Variants in PHF20L1 observed in about 807,000 individuals in gnomAD.
PHF20L1 encodes the protein PHD finger protein 20 like 1.
PHF20L1 carries 44 observed loss-of-function variants against 125.5 expected under a neutral mutation model. The observed-to-expected ratio is 0.35, with a 90% CI of 0.28 to 0.45. The LOEUF is 0.45. Ranked by LOEUF, PHF20L1 falls within the 20% of genes least tolerant of loss-of-function variation. The pLI is 1.00. For synonymous variants in PHF20L1, 380 were observed against 403.1 expected (o/e 0.94, Z 0.69); for missense variants, 1,012 against 1,217.2 (o/e 0.83, Z 2.51).
intron 14 of PHF20L1, 40 bp downstream of exon 14, chr8:132,825,411 T>C (rs1245266042): frequency 7.0e-7 from 1 of 1,430,874 alleles, no homozygotes; most frequent in Non-Finnish European, 9.3e-7. Context: ...TTTTTTAAAA[T>C]TTGAAGTTTC....
In PHF20L1 at chr8:132,848,592, C is replaced by T. The variant is rs1207384994; in HGVS notation, c.*2669C>T. 6.6e-6 allele frequency: 1 copy of T among 152,550 alleles called. No individual in the cohort carries two copies. Among genetic ancestry groups the T allele is most frequent in the Non-Finnish European group, 1.5e-5 (1 of 67,968 alleles). The allele number at this position is 152,550 out of a possible 1,614,324, so 9.4% of individuals were successfully genotyped here. Reference sequence around the variant, plus strand: ...TTGGTATGTTACTGATAAACTTGTACTTCCTCATACTTGTTTGTGGTTCTA... The same window carrying T: ...TTGGTATGTTACTGATAAACTTGTATTTCCTCATACTTGTTTGTGGTTCTA... On this transcript the variant is annotated 3_prime_UTR_variant, in exon 21 of 21. Transcript: ENST00000395386.
chr8:132,823,855 T>A, intron 12 of PHF20L1, 149 bp from the exon 13 acceptor site: 1 of 520,392 alleles, frequency 1.9e-6, no homozygotes, highest in Non-Finnish European at 3.5e-6. Flanking sequence ...ATCTCACCGC[T>A]TTGTTACCAG....
intron 14 of PHF20L1, among the ~76,000 whole-genome samples, chr8:132,829,082 A>G (rs533146330): frequency 1.3e-5 from 2 of 152,208 alleles, no homozygotes; most frequent in South Asian, 2.1e-4. Context: ...TTTATTCATA[A>G]TAGCCAGAGG....
intron 20 of PHF20L1, among the ~76,000 whole-genome samples, chr8:132,845,324 TAAG>T (rs1480236247): frequency 1.1e-4 from 17 of 152,162 alleles, no homozygotes; most frequent in South Asian, 4.1e-4. Flanking sequence ...TTTTCTTTGT[TAAG>T]AAGAGCTTCT....
intron 5 of PHF20L1, 38 bp from the exon 6 acceptor site, chr8:132,799,057 G>T (rs1832735718): frequency 6.4e-7 from 1 of 1,552,174 alleles, no homozygotes; most frequent in African/African-American, 1.4e-5. Context: ...CTTTGGTTTA[G>T]ACCTGCTAAA....
intron 18 of PHF20L1, 148 bp downstream of exon 18, chr8:132,839,730 A>G (rs1837733020): frequency 1.6e-6 from 1 of 612,842 alleles, no homozygotes; most frequent in Non-Finnish European, 2.9e-6. Context: ...ATAAGGAAAG[A>G]TTAACAACCT....
At chr8:132,821,611 G>A (rs1045184713) in intron 12 of PHF20L1, among the ~76,000 whole-genome samples, 2 of 151,946 alleles carry the variant, frequency 1.3e-5, no homozygotes, top group African/African-American at 4.8e-5. Flanking sequence ...CTTCTACAGA[G>A]CCTGGGGTTT....
At chr8:132,805,782 T>G (rs1008337250) in intron 8 of PHF20L1, among the ~76,000 whole-genome samples, 7 of 151,962 alleles carry the variant, frequency 4.6e-5, no homozygotes, top group African/African-American at 1.7e-4. Flanking sequence ...ATCTAAGTGA[T>G]TATAATTGGT....
At position 132,777,791 on chromosome 8, in the gene PHF20L1, G is replaced by A. The variant is rs1196727689; in HGVS notation, c.-37-1G>A. 3.0e-6 allele frequency: 4 copies of A among 1,312,490 alleles called. No individual in the cohort carries two copies. The highest frequency in any genetic ancestry group is 4.4e-6 in the Non-Finnish European group (4 of 907,552). 81.3% of individuals were successfully genotyped at this position (1,312,490 alleles called of 1,614,324 possible). ...AATCTAACTTTTTTCTTTCTCTTGA[G>A]GTAGTGAAAAGAGAATACTGAAGAA... On this transcript the variant is annotated splice_acceptor_variant, in intron 1 of 20. Transcript: ENST00000395386. LOFTEE classifies it low-confidence loss of function (5UTR_SPLICE).
At chr8:132,802,318 GCTTGGAGT>G (rs1833165395) in intron 6 of PHF20L1, among the ~76,000 whole-genome samples, 1 of 151,190 alleles carries the variant, frequency 6.6e-6, no homozygotes, top group Non-Finnish European at 1.5e-5. Flanking sequence ...TTTTCCTTTT[GCTTGGAGT>G]AGCCTTTTCT....
chr8:132,815,119 C>T (rs1834808281), intron 10 of PHF20L1: 1 of 356,892 alleles, frequency 2.8e-6, no homozygotes, highest in Admixed American at 4.4e-5. Flanking sequence ...ACACAGATTC[C>T]ACTGTAGTTT....
rs759488784 is a variant in PHF20L1 at position 132,845,829 on chromosome 8, C to G, written c.2960C>G (p.Pro987Arg). ...ACAGGGGAGTTGGAGCCACCAGATC[C>G]TCTTGCAAGATTGCCCCAACTTAAA... The part of the protein sequence containing the change: ...DFTGELEPPD[P>R]LARLPQLKRH... The change falls in exon 21 of 21, where the codon CCT becomes CGT. Residue 987 changes from proline (P) to arginine (R), a missense_variant. By Grantham distance (103) the Pro-to-Arg change is moderately radical. Around this residue, in one of 7 missense-constraint regions of PHF20L1, gnomAD observed 277 missense variants for 283.6 expected, o/e 0.98. Coordinates refer to ENST00000395386, the MANE Select transcript of PHF20L1 (RefSeq NM_016018.5). 1.9e-6 allele frequency: 3 copies of G among 1,610,096 alleles called. No homozygotes were observed. Among genetic ancestry groups the G allele is most frequent in the South Asian group, 2.2e-5 (2 of 90,988 alleles).
intron 2 of PHF20L1, chr8:132,788,680 G>A (rs1033233429): frequency 1.5e-4 from 23 of 151,850 alleles, no homozygotes; most frequent in African/African-American, 5.6e-4. Context: ...TTCCTTAAAT[G>A]CAAATGATGT....
intron 2 of PHF20L1, among the ~76,000 whole-genome samples, chr8:132,788,274 A>G (rs545184702): frequency 5.9e-5 from 9 of 152,222 alleles, no homozygotes; most frequent in Non-Finnish European, 1.0e-4. Context: ...AGGACTGTCA[A>G]TTTCTAAATT....
rs199682032 is a variant in PHF20L1, at chr8:132,842,752, T to C, written c.2625T>C (p.Ser875=). The C allele has an allele frequency of 1.6e-4, 258 of 1,613,310 alleles. 2 individuals carry two copies. Among genetic ancestry groups the C allele is most frequent in the South Asian group, 1.2e-3 (112 of 91,056 alleles). The stretch of plus-strand genomic sequence containing the variant: ...AAAGTTTTGGTCAGGACTGTAAATC[T>C]CTCGCAGACCCTGGGAGCTCAGATG... ...KPQSFGQDCK[S]LADPGSSDDD... Residue 875 remains serine (S), a synonymous_variant, in exon 19 of 21, where the codon TCT becomes TCC. Transcript: ENST00000395386.
chr8:132,821,048 T>C (rs970697198), intron 12 of PHF20L1, among the ~76,000 whole-genome samples: 6 of 151,950 alleles, frequency 3.9e-5, no homozygotes, highest in Non-Finnish European at 7.4e-5. Flanking sequence ...GAATGTTGGC[T>C]TGACGTGGCC....
At chr8:132,804,059 C>A in intron 7 of PHF20L1, 27 bp downstream of exon 7, 1 of 1,408,462 alleles carries the variant, frequency 7.1e-7, no homozygotes, top group Non-Finnish European at 1.0e-6. Flanking sequence ...TACGTTAATT[C>A]CTTATGACAC....
chr8:132,796,603 T>TACCCCTAC (rs1468991220), intron 4 of PHF20L1, among the ~76,000 whole-genome samples: 2 of 152,132 alleles, frequency 1.3e-5, no homozygotes, highest in African/African-American at 4.8e-5. Flanking sequence ...TACCACTGGT[T>TACCCCTAC]ACCCCTACAG....
chr8:132,838,026 A>G, intron 17 of PHF20L1: 2 of 434,778 alleles, frequency 4.6e-6, no homozygotes, highest in Non-Finnish European at 8.6e-6. Context: ...AATTCATTTC[A>G]TTATTCAGTG....
Sources: gnomAD v4.1 joint callset for allele counts (sites outside exome capture counted in the v4.1 genomes callset) on GRCh38, gnomAD v4.1.1 for gene constraint, gnomAD v4.1.1 regional missense constraint, MANE v1.5 for transcripts, NCBI Gene and HGNC (gene_info 2026-07-23, HGNC 2026-07-21) for gene names.